The following BNC2 variants were observed in gnomAD, a reference collection of about 807,000 sequenced individuals.
BNC2 encodes the protein zinc finger protein basonuclin-2.
In BNC2, 20 loss-of-function variants were observed where a neutral mutation model predicts 76.3. That is an observed-to-expected ratio of 0.26 (90% CI 0.18 to 0.38). The LOEUF (loss-of-function observed/expected upper bound fraction) is 0.38. BNC2 is among the 10% of genes least tolerant of loss of function. BNC2 has a pLI of 1.00. For missense variants in BNC2, 1,382 were observed against 1,399.8 expected (o/e 0.99, Z 0.20); for synonymous variants, 582 against 514.8 (o/e 1.13, Z -1.77).
intron 1 of BNC2, among the ~76,000 whole-genome samples, chr9:16,786,182 G>A (rs145456182): frequency 6.6e-6 from 1 of 152,320 alleles, no homozygotes; most frequent in African/African-American, 2.4e-5. Context: ...GTGTGCGCTA[G>A]TTTTTACAGA....
chr9:16,678,865 G>C (rs910334398), intron 3 of BNC2, among the ~76,000 whole-genome samples: 20 of 152,130 alleles, frequency 1.3e-4, no homozygotes, highest in African/African-American at 4.6e-4. Context: ...TCCTTCGGTA[G>C]TGCCTGAAAA....
chr9:16,746,262 C>T (rs1824998853), intron 1 of BNC2, among the ~76,000 whole-genome samples: 1 of 152,156 alleles, frequency 6.6e-6, no homozygotes, highest in Admixed American at 6.5e-5. Flanking sequence ...AGGAAACTTA[C>T]AAGCCAGTTG....
At chr9:16,859,217 T>A (rs867736720) in intron 1 of BNC2, among the ~76,000 whole-genome samples, 2 of 150,900 alleles carry the variant, frequency 1.3e-5, no homozygotes, top group African/African-American at 4.9e-5. Context: ...AGCTGTGAGG[T>A]TGTAGAGAAA....
chr9:16,488,002 CA>C (rs1324801726), intron 5 of BNC2, among the ~76,000 whole-genome samples: 1 of 152,146 alleles, frequency 6.6e-6, no homozygotes, highest in Non-Finnish European at 1.5e-5. Context: ...TTCAATTCAG[CA>C]AAAACCCCAA....
intron 3 of BNC2, among the ~76,000 whole-genome samples, chr9:16,722,869 A>G (rs1339068481): frequency 6.6e-6 from 1 of 152,146 alleles, no homozygotes; most frequent in African/African-American, 2.4e-5. Flanking sequence ...TTATCCATAG[A>G]CCTTCAAAGT....
chr9:16,469,992 CTTT>C (rs201134930), intron 5 of BNC2, among the ~76,000 whole-genome samples: 19 of 114,980 alleles, frequency 1.7e-4, no homozygotes, highest in Middle Eastern at 5.5e-3. Context: ...TAATGGCATT[CTTT>C]TTTTTTTTTT....
intron 1 of BNC2, among the ~76,000 whole-genome samples, chr9:16,811,429 G>A (rs1818049815): frequency 1.3e-5 from 2 of 150,812 alleles, no homozygotes; most frequent in Admixed American, 6.6e-5. Flanking sequence ...GCGGGCACCT[G>A]TAATGCCAGC....
chr9:16,744,362 C>T (rs566847265), intron 1 of BNC2, among the ~76,000 whole-genome samples: 37 of 152,286 alleles, frequency 2.4e-4, no homozygotes, highest in African/African-American at 6.3e-4. Context: ...TTTCACATCA[C>T]TTTCTCAAAA....
chr9:16,858,135 T>C (rs1819307866), intron 1 of BNC2, among the ~76,000 whole-genome samples: 1 of 152,240 alleles, frequency 6.6e-6, no homozygotes, highest in Non-Finnish European at 1.5e-5. Context: ...TTTCTAGTCA[T>C]GACGGGATGT....
intron 3 of BNC2, among the ~76,000 whole-genome samples, chr9:16,670,447 T>TG (rs1283244629): frequency 6.6e-6 from 1 of 152,184 alleles, no homozygotes; most frequent in African/African-American, 2.4e-5. Flanking sequence ...CCCAAAGTGC[T>TG]GGGATTACAA....
intron 5 of BNC2, among the ~76,000 whole-genome samples, chr9:16,527,640 G>A (rs1260166994): frequency 3.3e-5 from 5 of 152,070 alleles, no homozygotes; most frequent in Non-Finnish European, 5.9e-5. Context: ...ACTAGGGAGC[G>A]GCTAAAGAGT....
intron 1 of BNC2, among the ~76,000 whole-genome samples, chr9:16,834,396 T>G (rs2136045643): frequency 6.6e-6 from 1 of 152,278 alleles, no homozygotes; most frequent in East Asian, 1.9e-4. Flanking sequence ...TTAATACTCC[T>G]CCTTTCCCTG....
intron 1 of BNC2, among the ~76,000 whole-genome samples, chr9:16,859,403 C>T (rs1819340881): frequency 6.6e-6 from 1 of 152,164 alleles, no homozygotes; most frequent in Admixed American, 6.5e-5. Flanking sequence ...CTTATATTCA[C>T]AACAGCATAA....
intron 1 of BNC2, among the ~76,000 whole-genome samples, chr9:16,862,528 T>G (rs980475057): frequency 3.3e-5 from 5 of 152,178 alleles, no homozygotes; most frequent in African/African-American, 1.2e-4. Context: ...CCAGCGCTGT[T>G]CTGAGTCTCT....
At chr9:16,755,730 G>A (rs1006893867) in intron 1 of BNC2, among the ~76,000 whole-genome samples, 3 of 152,128 alleles carry the variant, frequency 2.0e-5, no homozygotes, top group African/African-American at 7.2e-5. Flanking sequence ...CTTCCCAAGT[G>A]TCTGTCTTAT....
At chr9:16,806,099 G>C (rs1446477837) in intron 1 of BNC2, among the ~76,000 whole-genome samples, 1 of 152,174 alleles carries the variant, frequency 6.6e-6, no homozygotes. Flanking sequence ...GAATACTGAA[G>C]ATTAAACAGA....
intron 1 of BNC2, among the ~76,000 whole-genome samples, chr9:16,779,145 G>GAAAAGA (rs1554729037): frequency 0.018 from 2,296 of 131,036 alleles, 69 homozygotes; most frequent in African/African-American, 0.061. Context: ...GAAAAGAAAA[G>GAAAAGA]AAAAAAAAAC....
chr9:16,573,048 C>T (rs750126562), intron 4 of BNC2, among the ~76,000 whole-genome samples: 5 of 151,652 alleles, frequency 3.3e-5, no homozygotes, highest in Non-Finnish European at 7.4e-5. Flanking sequence ...GGCAACAAGA[C>T]GAAACCCTAT....
At chr9:16,718,506 A>G (rs1019079766) in intron 3 of BNC2, among the ~76,000 whole-genome samples, 1 of 152,212 alleles carries the variant, frequency 6.6e-6, no homozygotes, top group Non-Finnish European at 1.5e-5. Flanking sequence ...AAGGGAAATA[A>G]TGAGACATCT....
Sources: allele counts gnomAD v4.1 joint callset (sites outside exome capture counted in the v4.1 genomes callset), GRCh38; gene constraint gnomAD v4.1.1; transcripts MANE v1.5; gene names NCBI Gene and HGNC (gene_info 2026-07-23, HGNC 2026-07-21).